The following SNX29 variants were observed in gnomAD, a reference collection of about 807,000 sequenced individuals.
SNX29 encodes the protein sorting nexin-29.
SNX29 carries 78 observed loss-of-function variants against 102.1 expected under a neutral mutation model. The observed-to-expected ratio is 0.76, with a 90% confidence interval of 0.64 to 0.92. The LOEUF is 0.92. Among genes scored for constraint, SNX29 ranks in the 40% least tolerant of loss-of-function variants. The probability of loss-of-function intolerance (pLI) is 0.00; values close to 1 mark genes in which losing one functional copy is unlikely to be tolerated. For synonymous variants in SNX29, 580 were observed against 414.5 expected, an observed-to-expected ratio of 1.40 and a Z score of -4.85; for missense variants, 1,280 against 1,061.7, an observed-to-expected ratio of 1.21 and a Z score of -2.86.
intron 1 of SNX29, among the ~76,000 whole-genome samples, chr16:11,986,058 G>A (rs958872488): frequency 2.6e-5 from 4 of 151,948 alleles, no homozygotes; most frequent in Admixed American, 2.6e-4. Context: ...ACTGACCTCG[G>A]GCTCCCAGCG....
At chr16:12,491,470 C>T (rs925561068) in intron 19 of SNX29, among the ~76,000 whole-genome samples, 1 of 151,960 alleles carries the variant, frequency 6.6e-6, no homozygotes, top group African/African-American at 2.4e-5. Flanking sequence ...TTCACCAACA[C>T]AATGGGTATA....
chr16:12,048,237 T>A, intron 6 of SNX29, 135 bp from the exon 7 acceptor site: 1 of 1,262,440 alleles, frequency 7.9e-7, no homozygotes, highest in Non-Finnish European at 1.1e-6. Flanking sequence ...AACGTCCGCA[T>A]GGGAGGTATT....
chr16:12,391,601 T>C (rs1377555340), intron 16 of SNX29, among the ~76,000 whole-genome samples: 2 of 152,208 alleles, frequency 1.3e-5, no homozygotes, highest in Admixed American at 6.5e-5. Flanking sequence ...ATCTGTTTTT[T>C]TATCCATCCA....
chr16:12,291,431 C>T (rs1192966291), intron 15 of SNX29, among the ~76,000 whole-genome samples: 1 of 152,188 alleles, frequency 6.6e-6, no homozygotes, highest in Non-Finnish European at 1.5e-5. Context: ...CCGCCCCCAT[C>T]ATTCAGTTAC....
At chr16:12,275,902 T>TGGG (rs1555502604) in intron 14 of SNX29, among the ~76,000 whole-genome samples, 1 of 78,104 alleles carries the variant, frequency 1.3e-5, no homozygotes, top group African/African-American at 5.0e-5. Flanking sequence ...TTTTTTTTTT[T>TGGG]GGGGGGCGTG....
At chr16:12,209,236 G>A (rs1012379892) in intron 14 of SNX29, among the ~76,000 whole-genome samples, 2 of 152,164 alleles carry the variant, frequency 1.3e-5, no homozygotes, top group Non-Finnish European at 2.9e-5. Context: ...GAGATGATGG[G>A]CAGATTGTGG....
At chr16:12,324,066 C>G (rs1209878497) in intron 15 of SNX29, among the ~76,000 whole-genome samples, 1 of 151,996 alleles carries the variant, frequency 6.6e-6, no homozygotes, top group Non-Finnish European at 1.5e-5. Context: ...CTGCAGAGAC[C>G]CAGATTGGAC....
chr16:12,266,775 T>G (rs891605040), intron 14 of SNX29, among the ~76,000 whole-genome samples: 1 of 152,096 alleles, frequency 6.6e-6, no homozygotes, highest in Non-Finnish European at 1.5e-5. Flanking sequence ...AAATTTTTTT[T>G]TTCTTTGAGA....
At chr16:12,034,032 C>G (rs2057410565) in intron 4 of SNX29, among the ~76,000 whole-genome samples, 1 of 152,194 alleles carries the variant, frequency 6.6e-6, no homozygotes, top group South Asian at 2.1e-4. Context: ...CCCCTACTCT[C>G]AGTGGTCTGT....
At chr16:12,039,715 C>T (rs1472164248) in intron 4 of SNX29, among the ~76,000 whole-genome samples, 1 of 152,132 alleles carries the variant, frequency 6.6e-6, no homozygotes, top group Non-Finnish European at 1.5e-5. Flanking sequence ...CAGTTGTGAA[C>T]GTGATCATTT....
At chr16:12,019,543 T>A (rs2056953538) in intron 3 of SNX29, among the ~76,000 whole-genome samples, 1 of 151,846 alleles carries the variant, frequency 6.6e-6, no homozygotes, top group Non-Finnish European at 1.5e-5. Flanking sequence ...GGCTCTTAAT[T>A]TTTTTACATA....
intron 11 of SNX29, among the ~76,000 whole-genome samples, chr16:12,116,978 G>A (rs909284792): frequency 4.6e-5 from 7 of 151,450 alleles, no homozygotes; most frequent in African/African-American, 1.5e-4. Flanking sequence ...GCTTCAATGC[G>A]GATGAACCAT....
At chr16:12,437,650 C>A (rs1202823201) in intron 18 of SNX29, among the ~76,000 whole-genome samples, 1 of 152,160 alleles carries the variant, frequency 6.6e-6, no homozygotes, top group Non-Finnish European at 1.5e-5. Context: ...CCATAGCTGC[C>A]CTCTCCTCCT....
intron 15 of SNX29, among the ~76,000 whole-genome samples, chr16:12,299,931 C>T (rs1436557272): frequency 1.2e-4 from 18 of 152,070 alleles, no homozygotes; most frequent in Non-Finnish European, 2.4e-4. Context: ...AGTGCAGTCG[C>T]GCAATCTTGG....
intron 19 of SNX29, among the ~76,000 whole-genome samples, chr16:12,520,145 G>A (rs1026413113): frequency 3.9e-5 from 6 of 152,152 alleles, no homozygotes; most frequent in Non-Finnish European, 8.8e-5. Flanking sequence ...TTCAGGCCAG[G>A]GTGTCTGCAC....
At chr16:12,364,596 G>T (rs935795134) in intron 16 of SNX29, among the ~76,000 whole-genome samples, 2 of 152,138 alleles carry the variant, frequency 1.3e-5, no homozygotes, top group Non-Finnish European at 2.9e-5. Flanking sequence ...TTGTAAGACT[G>T]CAAGTTATAG....
At chr16:12,067,548 C>T (rs375755504) in intron 9 of SNX29, among the ~76,000 whole-genome samples, 4 of 152,310 alleles carry the variant, frequency 2.6e-5, no homozygotes, top group East Asian at 1.9e-4. Flanking sequence ...AGTGCAGTGA[C>T]GTAATCTCAG....
intron 14 of SNX29, among the ~76,000 whole-genome samples, chr16:12,262,503 G>C (rs1250321413): frequency 1.3e-5 from 2 of 152,218 alleles, no homozygotes; most frequent in African/African-American, 4.8e-5. Context: ...AAGGCTGGTG[G>C]AATAGATCGT....
intron 10 of SNX29, among the ~76,000 whole-genome samples, chr16:12,075,087 A>T (rs577281023): frequency 6.6e-6 from 1 of 152,270 alleles, no homozygotes; most frequent in South Asian, 2.1e-4. Context: ...CAAAGTTTTC[A>T]ACTTCTTTGC....
Sources: allele counts gnomAD v4.1 joint callset (sites outside exome capture counted in the v4.1 genomes callset), GRCh38; gene constraint gnomAD v4.1.1; transcripts MANE v1.5; gene names NCBI Gene and HGNC (gene_info 2026-07-23, HGNC 2026-07-21).